Variants in B3GALT1 observed in about 807,000 individuals in gnomAD.
The protein encoded by B3GALT1 is UDP-Gal:betaGlcNAc beta 1,3-galactosyltransferase, polypeptide 1.
A neutral mutation model predicts 23.2 loss-of-function variants in B3GALT1; 10 were observed. The ratio of observed to expected loss-of-function variants is 0.43; its 90% confidence interval spans 0.27 to 0.73. The LOEUF is 0.73. Among genes scored for constraint, B3GALT1 ranks in the 30% least tolerant of loss-of-function variants. The pLI is 0.21. For missense variants in B3GALT1, 299 were observed against 405.4 expected, an observed-to-expected ratio of 0.74 and a Z score of 2.25; for synonymous variants, 156 against 141.5, an observed-to-expected ratio of 1.10 and a Z score of -0.73.
chr2:167,542,025 A>G (rs1683541058), intron 2 of B3GALT1, among the ~76,000 whole-genome samples: 2 of 152,124 alleles, frequency 1.3e-5, no homozygotes. Context: ...AAAAGACATT[A>G]AATTCTTTTT....
intron 3 of B3GALT1, among the ~76,000 whole-genome samples, chr2:167,767,999 T>G (rs1024471168): frequency 6.6e-6 from 1 of 151,984 alleles, no homozygotes; most frequent in Non-Finnish European, 1.5e-5. Context: ...GAGATTGATG[T>G]CCCAGCTCAA....
chr2:167,729,057 T>A (rs1687366179), intron 3 of B3GALT1, among the ~76,000 whole-genome samples: 1 of 152,184 alleles, frequency 6.6e-6, no homozygotes, highest in Non-Finnish European at 1.5e-5. Flanking sequence ...TACTTGTTTG[T>A]TATATGTGTT....
At chr2:167,369,775 G>A (rs906898299) in intron 1 of B3GALT1, among the ~76,000 whole-genome samples, 4 of 152,144 alleles carry the variant, frequency 2.6e-5, no homozygotes, top group African/African-American at 7.2e-5. Flanking sequence ...AAGTATAATC[G>A]TGGTTATGAT....
chr2:167,794,615 A>G, intron 3 of B3GALT1, among the ~76,000 whole-genome samples: 1 of 152,226 alleles, frequency 6.6e-6, no homozygotes, highest in East Asian at 1.9e-4. Flanking sequence ...CAACCTTGAA[A>G]TTTATACATA....
chr2:167,585,326 T>C (rs989452281), intron 2 of B3GALT1, among the ~76,000 whole-genome samples: 5 of 152,180 alleles, frequency 3.3e-5, no homozygotes, highest in Non-Finnish European at 7.3e-5. Context: ...AATTTATATG[T>C]TGGTCCCAGA....
intron 3 of B3GALT1, among the ~76,000 whole-genome samples, chr2:167,706,274 A>C (rs1282629138): frequency 6.6e-6 from 1 of 152,240 alleles, no homozygotes; most frequent in Non-Finnish European, 1.5e-5. Context: ...TTCTAATTGC[A>C]AATCGGCTAA....
intron 2 of B3GALT1, among the ~76,000 whole-genome samples, chr2:167,633,942 G>A (rs1685503990): frequency 6.6e-6 from 1 of 151,940 alleles, no homozygotes; most frequent in African/African-American, 2.4e-5. Context: ...CACATAATTG[G>A]AAGTAAAACA....
At chr2:167,383,562 T>C (rs1359268372) in intron 1 of B3GALT1, among the ~76,000 whole-genome samples, 1 of 152,162 alleles carries the variant, frequency 6.6e-6, no homozygotes, top group Non-Finnish European at 1.5e-5. Flanking sequence ...TAACACATGA[T>C]AGGAAAATAA....
At chr2:167,485,613 C>T (rs1574098927) in intron 1 of B3GALT1, among the ~76,000 whole-genome samples, 1 of 152,090 alleles carries the variant, frequency 6.6e-6, no homozygotes, top group South Asian at 2.1e-4. Context: ...GGCTAAGCTA[C>T]GAAGTTAATT....
intron 3 of B3GALT1, among the ~76,000 whole-genome samples, chr2:167,775,136 T>A (rs1688139391): frequency 6.6e-6 from 1 of 152,322 alleles, no homozygotes; most frequent in African/African-American, 2.4e-5. Context: ...CAGACAAAGA[T>A]TTGTTAATAA....
chr2:167,667,662 G>T (rs181209166), intron 3 of B3GALT1, among the ~76,000 whole-genome samples: 2,543 of 152,132 alleles, frequency 0.017, 65 homozygotes, highest in African/African-American at 0.057. Context: ...TTTTATTCTT[G>T]TTTCTCTAAA....
At chr2:167,864,349 G>A (rs1373145306) in intron 4 of B3GALT1, among the ~76,000 whole-genome samples, 1 of 152,124 alleles carries the variant, frequency 6.6e-6, no homozygotes, top group Non-Finnish European at 1.5e-5. Context: ...GCCCAGCCAA[G>A]GTTGAGACCA....
At chr2:167,825,280 T>A in intron 4 of B3GALT1, among the ~76,000 whole-genome samples, 2 of 102,232 alleles carry the variant, frequency 2.0e-5, no homozygotes, top group African/African-American at 4.5e-5. Flanking sequence ...CAAGACTCCG[T>A]CTCAAAAAAA....
At chr2:167,578,579 T>C (rs891518735) in intron 2 of B3GALT1, among the ~76,000 whole-genome samples, 5 of 151,774 alleles carry the variant, frequency 3.3e-5, no homozygotes, top group African/African-American at 1.2e-4. Context: ...CCCAGATATC[T>C]TCAGCTTCTG....
At chr2:167,795,647 G>A (rs900003900) in intron 3 of B3GALT1, among the ~76,000 whole-genome samples, 3 of 152,230 alleles carry the variant, frequency 2.0e-5, no homozygotes, top group Admixed American at 6.5e-5. Context: ...TGCTAAGATA[G>A]GTTGCCCCCA....
At chr2:167,331,878 T>G (rs1331665481) in intron 1 of B3GALT1, among the ~76,000 whole-genome samples, 1 of 152,180 alleles carries the variant, frequency 6.6e-6, no homozygotes, top group Non-Finnish European at 1.5e-5. Context: ...GCTTCCCCTC[T>G]GCCTTGCTCC....
intron 2 of B3GALT1, among the ~76,000 whole-genome samples, chr2:167,564,246 C>G (rs556566563): frequency 6.6e-6 from 1 of 151,272 alleles, no homozygotes; most frequent in South Asian, 2.1e-4. Flanking sequence ...CAGAGGCGCT[C>G]CCCACATCTC....
intron 1 of B3GALT1, among the ~76,000 whole-genome samples, chr2:167,397,363 T>A (rs1286948477): frequency 1.3e-5 from 2 of 152,044 alleles, no homozygotes; most frequent in African/African-American, 4.8e-5. Context: ...GCTGAGCCCA[T>A]TTTTCCTGAG....
In B3GALT1 at chr2:167,531,039, G is replaced by C. The variant is rs115430603; in HGVS notation, c.-410+40762G>C. On this transcript the variant is annotated intron_variant, in intron 2 of 4. Transcript: ENST00000392690. The stretch of plus-strand genomic sequence containing the variant: ...ACTTTAGGGTTTTTATCTTGAGACT[G>C]TTTTTATCCATTTAACTATTTTTGT... 2.7e-3 allele frequency among the ~76,000 whole-genome samples: 407 copies of C among 152,238 alleles called. 3 individuals carry two copies. Among genetic ancestry groups the C allele is most frequent in the African/African-American group, 9.4e-3 (392 of 41,560 alleles).
Sources: allele counts gnomAD v4.1 joint callset (sites outside exome capture counted in the v4.1 genomes callset), GRCh38; gene constraint gnomAD v4.1.1; transcripts MANE v1.5; gene names NCBI Gene and HGNC (gene_info 2026-07-23, HGNC 2026-07-21).